The following PIBF1 variants were observed in gnomAD, a reference collection of about 807,000 sequenced individuals.
The protein encoded by PIBF1 is progesterone-induced-blocking factor 1.
Under a neutral mutation model 112.5 loss-of-function variants are expected in PIBF1, and 90 were observed. The ratio of observed to expected loss-of-function variants is 0.80; its 90% CI spans 0.67 to 0.95. The LOEUF (loss-of-function observed/expected upper bound fraction) is 0.95. PIBF1 is among the 40% of genes least tolerant of loss of function. The pLI, the probability that PIBF1 is intolerant of heterozygous loss-of-function variation, is 0.00. For missense variants in PIBF1, 915 were observed against 852.3 expected, an observed-to-expected ratio of 1.07 and a Z score of -0.92; for synonymous variants, 301 against 288.6, an observed-to-expected ratio of 1.04 and a Z score of -0.44.
intron 12 of PIBF1, among the ~76,000 whole-genome samples, chr13:72,909,924 A>G (rs2138663218): frequency 6.6e-6 from 1 of 152,174 alleles, no homozygotes; most frequent in Admixed American, 6.5e-5. Flanking sequence ...CCTAACGTTA[A>G]TAAATATTTT....
intron 17 of PIBF1, among the ~76,000 whole-genome samples, chr13:73,013,742 AAAAAAAAAAAAG>A (rs1392923969): frequency 3.1e-5 from 2 of 63,668 alleles, no homozygotes; most frequent in African/African-American, 2.1e-4. Flanking sequence ...AAAAAAAAAA[AAAAAAAAAAAAG>A]AAAAAGAAAA....
intron 13 of PIBF1, among the ~76,000 whole-genome samples, chr13:72,927,523 A>G (rs1410368533): frequency 6.6e-6 from 1 of 152,048 alleles, no homozygotes. Flanking sequence ...ATTAAAATAA[A>G]AAAAAGATGT....
chr13:72,788,541 T>G (rs1233897034), intron 2 of PIBF1, among the ~76,000 whole-genome samples: 3 of 152,240 alleles, frequency 2.0e-5, no homozygotes, highest in Admixed American at 6.5e-5. Context: ...AATCATAAGA[T>G]AGCTTATCTG....
At chr13:72,964,826 G>T (rs1423246044) in intron 14 of PIBF1, among the ~76,000 whole-genome samples, 1 of 152,176 alleles carries the variant, frequency 6.6e-6, no homozygotes, top group Non-Finnish European at 1.5e-5. Flanking sequence ...ACTTTGGGAG[G>T]CTGAGGTGGG....
intron 14 of PIBF1, among the ~76,000 whole-genome samples, chr13:72,939,317 A>G (rs552364799): frequency 6.6e-6 from 1 of 152,246 alleles, no homozygotes; most frequent in South Asian, 2.1e-4. Flanking sequence ...CACTATCTCT[A>G]TCTAGTCCTA....
intron 10 of PIBF1, among the ~76,000 whole-genome samples, chr13:72,859,873 T>G (rs896971345): frequency 3.9e-5 from 6 of 152,158 alleles, no homozygotes; most frequent in Admixed American, 3.9e-4. Context: ...TGGCCATAAC[T>G]GCAAAAAGAT....
chr13:72,825,574 G>T (rs576139388), intron 6 of PIBF1, among the ~76,000 whole-genome samples: 1 of 152,308 alleles, frequency 6.6e-6, no homozygotes, highest in African/African-American at 2.4e-5. Context: ...ACAACTGCAG[G>T]ACTTCAGCAT....
chr13:72,996,476 T>C (rs1184137086), intron 16 of PIBF1, among the ~76,000 whole-genome samples: 1 of 152,170 alleles, frequency 6.6e-6, no homozygotes, highest in Admixed American at 6.6e-5. Context: ...CTAATAGCTT[T>C]ATACTAAAAT....
At chr13:72,939,326 T>C (rs2041950721) in intron 14 of PIBF1, among the ~76,000 whole-genome samples, 1 of 152,160 alleles carries the variant, frequency 6.6e-6, no homozygotes, top group Non-Finnish European at 1.5e-5. Context: ...TATCTAGTCC[T>C]AAAACATGTT....
chr13:72,848,139 C>T (rs988063329), intron 9 of PIBF1, among the ~76,000 whole-genome samples: 4 of 152,122 alleles, frequency 2.6e-5, no homozygotes, highest in African/African-American at 9.7e-5. Flanking sequence ...TGTTTTTTCA[C>T]TATTTATGCT....
chr13:72,823,736 G>C (rs954758165), intron 6 of PIBF1, among the ~76,000 whole-genome samples: 1 of 152,110 alleles, frequency 6.6e-6, no homozygotes, highest in East Asian at 1.9e-4. Flanking sequence ...CATTAAATTA[G>C]ATCTGAATGT....
At chr13:72,982,686 T>G (rs2325492) in intron 16 of PIBF1, among the ~76,000 whole-genome samples, 111,923 of 152,018 alleles carry the variant, frequency 0.74, 41,528 homozygotes, top group South Asian at 0.81. Context: ...TTAAACTAAT[T>G]GTTCTTTTCA....
intron 5 of PIBF1, among the ~76,000 whole-genome samples, chr13:72,809,578 GT>G (rs976000443): frequency 2.2e-5 from 3 of 138,492 alleles, no homozygotes; most frequent in African/African-American, 7.9e-5. Flanking sequence ...TTAATAGAAG[GT>G]TTTTTTTTGG....
chr13:72,952,023 C>CT (rs1289684802), intron 14 of PIBF1, among the ~76,000 whole-genome samples: 4 of 138,036 alleles, frequency 2.9e-5, no homozygotes, highest in African/African-American at 1.0e-4. Context: ...TTCTTTCTTT[C>CT]TTTTCTTTTC....
At chr13:72,927,990 C>CATATAT (rs1198692717) in intron 13 of PIBF1, among the ~76,000 whole-genome samples, 44 of 80,796 alleles carry the variant, frequency 5.4e-4, no homozygotes, top group South Asian at 9.9e-4. Flanking sequence ...TATATATATA[C>CATATAT]ACACACATAT....
At chr13:72,836,847 A>G (rs2037383258) in intron 9 of PIBF1, among the ~76,000 whole-genome samples, 1 of 152,122 alleles carries the variant, frequency 6.6e-6, no homozygotes, top group African/African-American at 2.4e-5. Flanking sequence ...ATAGATCTTT[A>G]TCTACCTGTT....
chr13:72,985,375 A>AC (rs1170470183), intron 16 of PIBF1, among the ~76,000 whole-genome samples: 16 of 147,778 alleles, frequency 1.1e-4, no homozygotes, highest in Admixed American at 3.4e-4. Context: ...AAAATACAAA[A>AC]AAAAAAAAAA....
intron 14 of PIBF1, among the ~76,000 whole-genome samples, chr13:72,946,428 A>G (rs779012207): frequency 1.2e-4 from 18 of 152,120 alleles, no homozygotes; most frequent in Non-Finnish European, 2.5e-4. Flanking sequence ...AAACCTAACC[A>G]TATCATTCTG....
At position 72,911,874 on chromosome 13, in the gene PIBF1, A is replaced by G. The variant is rs117088107; in HGVS notation, c.1639+3193A>G. Among the ~76,000 whole-genome samples the G allele has an allele frequency of 8.7e-3, 1,317 of 152,232 alleles. 9 individuals are homozygous for G. The highest frequency in any genetic ancestry group is 0.014 in the Non-Finnish European group (983 of 68,012). ...GTTGGGCATAGTGACTCATGCCTGT[A>G]ATTCCAACACTTTGGGAGGCTGAGG... is the stretch of plus-strand genomic sequence containing the variant. On this transcript the variant is annotated intron_variant, in intron 12 of 17. Transcript: ENST00000326291.
Sources: gnomAD v4.1 joint callset for allele counts (sites outside exome capture counted in the v4.1 genomes callset) on GRCh38, gnomAD v4.1.1 for gene constraint, MANE v1.5 for transcripts, NCBI Gene and HGNC (gene_info 2026-07-23, HGNC 2026-07-21) for gene names.